The following RBFOX1 variants were observed in gnomAD, a reference collection of about 807,000 sequenced individuals.
The protein encoded by RBFOX1 is RNA binding protein fox-1 homolog 1.
RBFOX1 carries 8 observed loss-of-function variants against 57.7 expected under a neutral mutation model. That is an observed-to-expected ratio of 0.14 (90% CI 0.08 to 0.25). RBFOX1 has a LOEUF of 0.25. Ranked by LOEUF, RBFOX1 falls within the 10% of genes least tolerant of loss-of-function variation. The pLI, the probability that RBFOX1 is intolerant of heterozygous loss-of-function variation, is 1.00. For missense variants in RBFOX1, 611 were observed against 548.5 expected (o/e 1.11, Z -1.14); for synonymous variants, 326 against 222.4 (o/e 1.47, Z -4.15).
intron 1 of RBFOX1, among the ~76,000 whole-genome samples, chr16:5,454,923 C>CCTTTG (rs1567535475): frequency 2.1e-4 from 8 of 38,452 alleles, no homozygotes; most frequent in African/African-American, 4.6e-4. Context: ...TCCTTTGTTT[C>CCTTTG]TTTCTTCCTT....
At chr16:6,674,899 G>GT (rs898950175) in intron 3 of RBFOX1, among the ~76,000 whole-genome samples, 4 of 151,550 alleles carry the variant, frequency 2.6e-5, no homozygotes, top group Non-Finnish European at 2.9e-5. Flanking sequence ...TTGTTTGGTG[G>GT]TTTTTTTTGT....
intron 1 of RBFOX1, among the ~76,000 whole-genome samples, chr16:5,261,654 A>G (rs1410894476): frequency 1.4e-5 from 2 of 145,388 alleles, no homozygotes; most frequent in East Asian, 4.2e-4. Context: ...GGTTCATGCC[A>G]TTCTTCTGCC....
intron 10 of RBFOX1, among the ~76,000 whole-genome samples, chr16:7,611,100 A>T (rs1048797067): frequency 6.6e-6 from 1 of 152,168 alleles, no homozygotes; most frequent in African/African-American, 2.4e-5. Flanking sequence ...TAATATTCTC[A>T]TAGTGTAATT....
At chr16:7,247,774 C>A (rs1163015496) in intron 4 of RBFOX1, among the ~76,000 whole-genome samples, 1 of 152,152 alleles carries the variant, frequency 6.6e-6, no homozygotes, top group African/African-American at 2.4e-5. Flanking sequence ...TGCTGTTCAT[C>A]TAGGTATTTT....
chr16:6,466,030 A>G (rs747835675), intron 2 of RBFOX1, among the ~76,000 whole-genome samples: 1 of 151,984 alleles, frequency 6.6e-6, no homozygotes, highest in Non-Finnish European at 1.5e-5. Flanking sequence ...CGAGTTTGAG[A>G]CCAGCCTGGT....
intron 4 of RBFOX1, among the ~76,000 whole-genome samples, chr16:7,234,479 G>A (rs1004873968): frequency 5.3e-5 from 8 of 151,918 alleles, no homozygotes; most frequent in Non-Finnish European, 1.2e-4. Flanking sequence ...TGAAGAAGGG[G>A]GAACCAGGCT....
intron 3 of RBFOX1, among the ~76,000 whole-genome samples, chr16:5,673,064 C>T (rs560300126): frequency 2.6e-5 from 4 of 152,180 alleles, no homozygotes; most frequent in East Asian, 1.9e-4. Context: ...CCGCTTCCAG[C>T]GGTTTGGAAG....
intron 3 of RBFOX1, among the ~76,000 whole-genome samples, chr16:5,824,662 A>T (rs745318263): frequency 1.1e-4 from 16 of 152,250 alleles, no homozygotes; most frequent in Non-Finnish European, 2.1e-4. Context: ...AACAAAACTG[A>T]GTTCCACAAT....
rs115881536 is a variant in RBFOX1 at position 6,626,380 on chromosome 16, G to A, written c.-63-28223G>A. Among the ~76,000 whole-genome samples the A allele has an allele frequency of 6.9e-3, 1,048 of 152,168 alleles. 18 individuals are homozygous for A. The highest frequency in any genetic ancestry group is 0.023 in the African/African-American group (971 of 41,504). Reference sequence around the variant, plus strand: ...TTGCAGGACCTGGGAGCTGAGGCTCGGGAGGGCTGATTCATCATTCTTCCT... The same window carrying A: ...TTGCAGGACCTGGGAGCTGAGGCTCAGGAGGGCTGATTCATCATTCTTCCT... On this transcript the variant is annotated intron_variant, in intron 2 of 15. Transcript: ENST00000550418.
intron 4 of RBFOX1, among the ~76,000 whole-genome samples, chr16:7,121,261 C>G (rs142518213): frequency 6.6e-6 from 1 of 151,994 alleles, no homozygotes; most frequent in Non-Finnish European, 1.5e-5. Context: ...AAATCTTACT[C>G]ACTACAATAA....
intron 3 of RBFOX1, among the ~76,000 whole-genome samples, chr16:6,718,174 T>A (rs1432273313): frequency 6.6e-6 from 1 of 152,208 alleles, no homozygotes; most frequent in Non-Finnish European, 1.5e-5. Flanking sequence ...TTTGCTTCCA[T>A]TGTCTCATCA....
Position 5,456,195 on chromosome 16 carries a change from A to G in RBFOX1, c.220-11021A>G, listed in dbSNP as rs541527643. On this transcript the variant is annotated intron_variant, in intron 1 of 2. Transcript: ENST00000585867. Reference sequence around the variant, plus strand: ...TACCTTAAGCCCATTTCTCCATGCCACTAGACAAAATGTTGAAATGTCATT... The same window carrying G: ...TACCTTAAGCCCATTTCTCCATGCCGCTAGACAAAATGTTGAAATGTCATT... Among the ~76,000 whole-genome samples, 10 of 152,272 alleles carry G rather than the reference A, an allele frequency of 6.6e-5. No individual in the cohort carries two copies. In the East Asian group the frequency reaches 1.9e-3, roughly 29 times the overall value.
At chr16:6,640,758 G>A (rs2098480992) in intron 2 of RBFOX1, among the ~76,000 whole-genome samples, 1 of 152,130 alleles carries the variant, frequency 6.6e-6, no homozygotes. Context: ...AAGGATACAA[G>A]TTCCAGTTCT....
intron 3 of RBFOX1, among the ~76,000 whole-genome samples, chr16:7,050,766 T>C (rs2049787385): frequency 6.6e-6 from 1 of 152,218 alleles, no homozygotes; most frequent in South Asian, 2.1e-4. Context: ...TTTTAATTTT[T>C]CCATTATCAC....
chr16:5,499,577 A>T (rs572818616), intron 2 of RBFOX1, among the ~76,000 whole-genome samples: 5 of 151,560 alleles, frequency 3.3e-5, no homozygotes, highest in East Asian at 1.9e-4. Flanking sequence ...CTTTTTTTTT[A>T]AATTTTTTTT....
At chr16:5,755,661 C>T (rs185979799) in intron 3 of RBFOX1, among the ~76,000 whole-genome samples, 87 of 152,298 alleles carry the variant, frequency 5.7e-4, no homozygotes, top group African/African-American at 2.0e-3. Flanking sequence ...TACAAAGGTG[C>T]AATTTTGGCT....
At chr16:6,349,114 A>G (rs1185897442) in intron 2 of RBFOX1, among the ~76,000 whole-genome samples, 4 of 152,122 alleles carry the variant, frequency 2.6e-5, no homozygotes, top group African/African-American at 4.8e-5. Flanking sequence ...TCAAATTCCT[A>G]TCTGCAGTAA....
chr16:6,373,490 A>T (rs2090767856), intron 2 of RBFOX1, among the ~76,000 whole-genome samples: 1 of 151,460 alleles, frequency 6.6e-6, no homozygotes, highest in South Asian at 2.1e-4. Context: ...TGGTTGGTGG[A>T]ATGGAGATTC....
At chr16:7,620,917 G>A (rs909867929) in intron 10 of RBFOX1, among the ~76,000 whole-genome samples, 7 of 152,106 alleles carry the variant, frequency 4.6e-5, no homozygotes, top group Admixed American at 4.6e-4. Flanking sequence ...GAAACCTAGG[G>A]CCACCTTAAT....
Sources: gnomAD v4.1 joint callset for allele counts (sites outside exome capture counted in the v4.1 genomes callset) on GRCh38, gnomAD v4.1.1 for gene constraint, MANE v1.5 for transcripts, NCBI Gene and HGNC (gene_info 2026-07-23, HGNC 2026-07-21) for gene names.